ZFPM2: variants seen among roughly 807,000 people sequenced by gnomAD.
ZFPM2 encodes the protein zinc finger protein, FOG family member 2.
In ZFPM2, 20 loss-of-function variants were observed where a neutral mutation model predicts 98.6. The ratio of observed to expected loss-of-function variants is 0.20; its 90% confidence interval spans 0.14 to 0.29. The LOEUF is 0.29. ZFPM2 is among the 10% of genes least tolerant of loss of function. ZFPM2 has a pLI of 1.00. For synonymous variants in ZFPM2, 518 were observed against 502.7 expected, an observed-to-expected ratio of 1.03 and a Z score of -0.41; for missense variants, 1,310 against 1,388.6, an observed-to-expected ratio of 0.94 and a Z score of 0.90.
chr8:105,675,571 G>A (rs1354605191), intron 5 of ZFPM2, among the ~76,000 whole-genome samples: 2 of 152,150 alleles, frequency 1.3e-5, no homozygotes, highest in Admixed American at 6.6e-5. Context: ...GGGCCAGAAC[G>A]TGGAGTTGAG....
intron 3 of ZFPM2, among the ~76,000 whole-genome samples, chr8:105,546,986 G>C (rs1282267605): frequency 4.0e-5 from 6 of 151,820 alleles, no homozygotes; most frequent in African/African-American, 1.5e-4. Context: ...TTTTGGGGAG[G>C]AGGTCAGATT....
In ZFPM2 at chr8:105,764,672, T is replaced by C. The variant is rs183290187; in HGVS notation, c.533-24046T>C. ...TCCCTTGCAAAGTGAAATGTGTTTTTTCATGATTTTTTTTTCTTTTAGTTT... is the reference window on the plus strand; with the variant it reads ...TCCCTTGCAAAGTGAAATGTGTTTTCTCATGATTTTTTTTTCTTTTAGTTT... On this transcript the variant is annotated intron_variant, in intron 5 of 7. Coordinates refer to ENST00000407775, the MANE Select transcript of ZFPM2 (RefSeq NM_012082.4). 3.3e-5 allele frequency among the ~76,000 whole-genome samples: 5 copies of C among 151,920 alleles called. No homozygotes were observed. The East Asian group carries it at 9.7e-4, about 29-fold the overall frequency.
rs1413295575 is a variant in ZFPM2, at chr8:105,802,435, C to T, written c.2353C>T (p.His785Tyr). The T allele has an allele frequency of 1.2e-6, 2 of 1,613,640 alleles. No homozygotes were observed. Among genetic ancestry groups the T allele is most frequent in the Non-Finnish European group, 1.7e-6 (2 of 1,179,850 alleles). The change falls in exon 8 of 8, where the codon CAC (histidine) becomes TAC (tyrosine). Residue 785 changes from histidine (H) to tyrosine (Y), a missense_variant. By Grantham distance (83) the His-to-Tyr change is moderately conservative. Transcript: ENST00000407775. ...EPTEGLGECY[H>Y]PRCDIFPGIV... ...CACAGAAGGGCTAGGAGAGTGCTAC[C>T]ACCCAAGATGTGATATCTTTCCAGG...
intron 4 of ZFPM2, among the ~76,000 whole-genome samples, chr8:105,613,884 A>G (rs1283816876): frequency 6.6e-6 from 1 of 152,212 alleles, no homozygotes; most frequent in Non-Finnish European, 1.5e-5. Flanking sequence ...GAGAAGTTAC[A>G]TGATGTAACT....
chr8:105,697,637 T>C (rs1811050234), intron 5 of ZFPM2, among the ~76,000 whole-genome samples: 2 of 152,326 alleles, frequency 1.3e-5, no homozygotes, highest in South Asian at 4.1e-4. Flanking sequence ...TTTCCTGCTG[T>C]ATAATGAAAT....
At chr8:105,463,418 A>G (rs1203623219) in intron 3 of ZFPM2, among the ~76,000 whole-genome samples, 2 of 151,750 alleles carry the variant, frequency 1.3e-5, no homozygotes, top group East Asian at 3.9e-4. Flanking sequence ...GTGTGTATAT[A>G]TATAACTTTT....
chr8:105,622,292 C>A (rs1816567597), intron 4 of ZFPM2, among the ~76,000 whole-genome samples: 1 of 152,004 alleles, frequency 6.6e-6, no homozygotes, highest in Admixed American at 6.6e-5. Context: ...CCAACATACG[C>A]ATTGATGCTT....
chr8:105,409,699 T>C (rs1811538254), intron 1 of ZFPM2, among the ~76,000 whole-genome samples: 1 of 151,944 alleles, frequency 6.6e-6, no homozygotes, highest in South Asian at 2.1e-4. Context: ...GGATAGCATT[T>C]GTATTCCAGC....
rs2130634067 is a variant in ZFPM2 at position 105,318,496 on chromosome 8, C to T, written c.-446C>T. 6.7e-6 allele frequency among the ~76,000 whole-genome samples: 1 copy of T among 150,034 alleles called. No homozygotes were observed. Among genetic ancestry groups the T allele is most frequent in the East Asian group, 2.0e-4 (1 of 4,910 alleles). ...GCGGCGCCGGAGTATCCGTCCCGCA[C>T]GCCGGGGCGAGGGGCGAGCGAGCGC... On this transcript the variant is annotated 5_prime_UTR_variant, in exon 1 of 8. The change creates a new upstream start codon in the 5' untranslated region. Transcript: ENST00000407775.
intron 4 of ZFPM2, among the ~76,000 whole-genome samples, chr8:105,586,253 T>C (rs1586480789): frequency 6.6e-6 from 1 of 152,286 alleles, no homozygotes; most frequent in South Asian, 2.1e-4. Flanking sequence ...ATTTTTTCGA[T>C]GTAATGTTTT....
rs779759525 is a variant in ZFPM2 at position 105,801,430 on chromosome 8, A to T, written c.1348A>T (p.Thr450Ser). 6.2e-7 allele frequency: 1 copy of T among 1,613,790 alleles called. No individual in the cohort carries two copies. The highest frequency in any genetic ancestry group is 1.3e-5 in the African/African-American group (1 of 74,918). Residue 450 changes from threonine (T) to serine (S), a missense_variant, in exon 8 of 8, where the codon ACG (threonine) becomes TCG (serine). By Grantham distance (58) the Thr-to-Ser change is moderately conservative. Coordinates refer to ENST00000407775, the MANE Select transcript of ZFPM2 (RefSeq NM_012082.4). The part of the protein sequence containing the change: ...KCEKKTQLFL[T>S]NQRPEIQPTT... ...TGAGAAAAAGACTCAGCTCTTTCTC[A>T]CGAACCAGAGACCAGAGATACAGCC...
chr8:105,552,794 G>A (rs1299085412), intron 3 of ZFPM2, among the ~76,000 whole-genome samples: 2 of 150,808 alleles, frequency 1.3e-5, no homozygotes, highest in South Asian at 2.1e-4. Flanking sequence ...TTATTTCATG[G>A]TGGGTTTTTC....
At chr8:105,603,228 G>T (rs1296395529) in intron 4 of ZFPM2, among the ~76,000 whole-genome samples, 1 of 152,076 alleles carries the variant, frequency 6.6e-6, no homozygotes, top group Admixed American at 6.6e-5. Flanking sequence ...TACAGCAGTG[G>T]TGTACAAATT....
intron 4 of ZFPM2, among the ~76,000 whole-genome samples, chr8:105,578,215 A>G (rs1740490883): frequency 6.6e-6 from 1 of 152,060 alleles, no homozygotes; most frequent in South Asian, 2.1e-4. Context: ...CTTTGACAGC[A>G]TCTAAAGGAA....
intron 5 of ZFPM2, among the ~76,000 whole-genome samples, chr8:105,735,820 T>C (rs909134025): frequency 6.6e-6 from 1 of 151,990 alleles, no homozygotes; most frequent in Non-Finnish European, 1.5e-5. Context: ...TTCCAAACTG[T>C]ATTTTCTCAG....
intron 2 of ZFPM2, among the ~76,000 whole-genome samples, chr8:105,444,033 T>C (rs1812318024): frequency 6.6e-6 from 1 of 152,210 alleles, no homozygotes; most frequent in Admixed American, 6.5e-5. Flanking sequence ...AAAGGAAAAT[T>C]TACATGGAAA....
At chr8:105,640,451 T>C (rs1379477370) in intron 5 of ZFPM2, among the ~76,000 whole-genome samples, 3 of 152,062 alleles carry the variant, frequency 2.0e-5, no homozygotes, top group African/African-American at 2.4e-5. Context: ...AATCTCAAAA[T>C]CATACTATGA....
chr8:105,589,478 G>A (rs953604913), intron 4 of ZFPM2, among the ~76,000 whole-genome samples: 1 of 152,130 alleles, frequency 6.6e-6, no homozygotes, highest in Non-Finnish European at 1.5e-5. Flanking sequence ...AGAAATTAAG[G>A]ATTCATAATA....
At chr8:105,796,593 A>T (rs920943132) in intron 6 of ZFPM2, among the ~76,000 whole-genome samples, 1 of 152,104 alleles carries the variant, frequency 6.6e-6, no homozygotes, top group African/African-American at 2.4e-5. Context: ...CTAGAATTTG[A>T]TCATTAGTTT....
Sources: allele counts gnomAD v4.1 joint callset (sites outside exome capture counted in the v4.1 genomes callset), GRCh38; gene constraint gnomAD v4.1.1; transcripts MANE v1.5; gene names NCBI Gene and HGNC (gene_info 2026-07-23, HGNC 2026-07-21).